GGACT: variants seen among roughly 807,000 people sequenced by gnomAD.
GGACT encodes gamma-glutamylamine cyclotransferase.
For missense variants in GGACT, 241 were observed against 233.2 expected, an observed-to-expected ratio of 1.03 and a Z score of -0.22; for synonymous variants, 118 against 115.3, an observed-to-expected ratio of 1.02 and a Z score of -0.15.
intron 2 of GGACT, among the ~76,000 whole-genome samples, chr13:100,551,423 G>A (rs545791994): frequency 2.0e-5 from 3 of 152,330 alleles, no homozygotes; most frequent in Middle Eastern, 3.4e-3. Flanking sequence ...AAGGTGAGGA[G>A]GCCACTAGCC....
chr13:100,542,309 G>A (rs1208251099), intron 2 of GGACT, among the ~76,000 whole-genome samples: 2 of 152,200 alleles, frequency 1.3e-5, no homozygotes, highest in Admixed American at 6.5e-5. Context: ...GGACAAGATC[G>A]TCCTTCATGA....
chr13:100,555,558 G>A (rs1260187897), intron 2 of GGACT, among the ~76,000 whole-genome samples: 2 of 151,830 alleles, frequency 1.3e-5, no homozygotes, highest in African/African-American at 2.4e-5. Context: ...AAAAAATCTG[G>A]GTATGGTGGC....
At chr13:100,582,715 T>C (rs536503208) in intron 2 of GGACT, among the ~76,000 whole-genome samples, 2 of 152,172 alleles carry the variant, frequency 1.3e-5, no homozygotes, top group Non-Finnish European at 2.9e-5. Context: ...AGATTCTCCC[T>C]AGAGCCTCCA....
intron 2 of GGACT, among the ~76,000 whole-genome samples, chr13:100,556,227 C>T (rs1322902585): frequency 1.3e-5 from 2 of 152,146 alleles, no homozygotes; most frequent in Non-Finnish European, 2.9e-5. Context: ...ACAGAAAATC[C>T]TAAGAAAATC....
chr13:100,580,036 G>A (rs900053329), intron 2 of GGACT: 1 of 152,158 alleles, frequency 6.6e-6, no homozygotes, highest in African/African-American at 2.4e-5. Flanking sequence ...GGGCCTGCTG[G>A]GTCTAGACCT....
chr13:100,562,795 C>CA (rs201672312), intron 2 of GGACT, among the ~76,000 whole-genome samples: 4,317 of 123,550 alleles, frequency 0.035, 127 homozygotes, highest in Admixed American at 0.11. Context: ...GACAATGTCT[C>CA]AAAAAAAAAA....
chr13:100,540,331 T>C, intron 2 of GGACT: 2 of 748,710 alleles, frequency 2.7e-6, no homozygotes, highest in Non-Finnish European at 4.7e-6. Flanking sequence ...TTACTAGTTG[T>C]AGGTCTGTTC....
intron 2 of GGACT, among the ~76,000 whole-genome samples, chr13:100,556,725 C>G (rs1159028908): frequency 6.6e-6 from 1 of 151,860 alleles, no homozygotes; most frequent in South Asian, 2.1e-4. Flanking sequence ...CCATGATGTG[C>G]GTATTTCATA....
chr13:100,559,947 T>C (rs2088744911), intron 2 of GGACT, among the ~76,000 whole-genome samples: 1 of 152,200 alleles, frequency 6.6e-6, no homozygotes, highest in Non-Finnish European at 1.5e-5. Context: ...GGTGTACAGA[T>C]ACAATAACAT....
intron 2 of GGACT, among the ~76,000 whole-genome samples, chr13:100,583,501 C>T (rs897669817): frequency 6.6e-6 from 1 of 152,120 alleles, no homozygotes; most frequent in African/African-American, 2.4e-5. Flanking sequence ...ACTTTCTCTA[C>T]TATTCTTTCC....
chr13:100,542,232 G>A (rs2088561305), intron 2 of GGACT, among the ~76,000 whole-genome samples: 1 of 152,196 alleles, frequency 6.6e-6, no homozygotes, highest in Admixed American at 6.5e-5. Flanking sequence ...AGCAACCCCG[G>A]GTGCACAGGA....
chr13:100,532,108 A>C lies in GGACT; in HGVS notation c.*22T>G. The C allele has an allele frequency of 7.0e-7, 1 of 1,426,756 alleles. No homozygotes were observed. Among genetic ancestry groups the C allele is most frequent in the Non-Finnish European group, 9.2e-7 (1 of 1,084,010 alleles). The allele number at this position is 1,426,756 out of a possible 1,614,324, so 88.4% of individuals were successfully genotyped here. On this transcript the variant is annotated 3_prime_UTR_variant, in exon 3 of 3. Transcript: ENST00000683975. ...TTGGAGCCCCAGGGCTCTCAAACCT[A>C]GGCCCACCCTGCCCGTCCCCCTTAT...
chr13:100,550,298 CTACA>C (rs1293816192), intron 2 of GGACT, among the ~76,000 whole-genome samples: 22 of 126,036 alleles, frequency 1.7e-4, no homozygotes, highest in African/African-American at 5.9e-4. Context: ...CGATTATACT[CTACA>C]CACACACACA....
intron 1 of GGACT, among the ~76,000 whole-genome samples, chr13:100,587,595 G>A (rs1474927656): frequency 2.0e-5 from 3 of 152,230 alleles, no homozygotes; most frequent in Non-Finnish European, 4.4e-5. Context: ...TGAGGCCAGG[G>A]AAAAGTCTTC....
At position 100,547,284 on chromosome 13, in the gene GGACT, G is replaced by A. The variant is rs1052434880; in HGVS notation, c.-10-14683C>T. Among the ~76,000 whole-genome samples, 6 of 152,102 alleles carry A rather than the reference G, an allele frequency of 3.9e-5. 1 individual carries two copies. The highest frequency in any genetic ancestry group is 1.2e-4 in the African/African-American group (5 of 41,432). ...AATGAACCTGCAAAACTCACCTCCC[G>A]GGACAGCACCCAGACCAGAGGGGGT... On this transcript the variant is annotated intron_variant, in intron 2 of 2. Transcript: ENST00000683975.
At chr13:100,536,051 G>T (rs1320658266) in intron 2 of GGACT, 1 of 152,110 alleles carries the variant, frequency 6.6e-6, no homozygotes. Flanking sequence ...GCTGCGTAGA[G>T]GATTCTAGAA....
intron 2 of GGACT, among the ~76,000 whole-genome samples, chr13:100,577,831 G>A (rs923493656): frequency 2.0e-5 from 3 of 152,060 alleles, no homozygotes; most frequent in Non-Finnish European, 4.4e-5. Flanking sequence ...GGATGAAGGG[G>A]AGAAGGAAAG....
At chr13:100,580,956 T>A (rs1875398672) in intron 2 of GGACT, among the ~76,000 whole-genome samples, 1 of 152,156 alleles carries the variant, frequency 6.6e-6, no homozygotes, top group Non-Finnish European at 1.5e-5. Context: ...ACTGAACAAG[T>A]AGGCAAATGT....
intron 2 of GGACT, among the ~76,000 whole-genome samples, chr13:100,580,418 C>T (rs1349925721): frequency 2.0e-5 from 3 of 152,218 alleles, no homozygotes; most frequent in Admixed American, 2.0e-4. Context: ...TGTGCGACCA[C>T]TTGCCGCAGA....
Sources: allele counts gnomAD v4.1 joint callset (sites outside exome capture counted in the v4.1 genomes callset), GRCh38; gene constraint gnomAD v4.1.1; transcripts MANE v1.5; gene names NCBI Gene and HGNC (gene_info 2026-07-23, HGNC 2026-07-21).